FHOD3: variants seen among roughly 807,000 people sequenced by gnomAD.
The protein encoded by FHOD3 is formin homology 2 domain containing 3.
A neutral mutation model predicts 173.0 loss-of-function variants in FHOD3; 90 were observed. The observed-to-expected ratio is 0.52, with a 90% CI of 0.44 to 0.62. The LOEUF (loss-of-function observed/expected upper bound fraction) is 0.62, where lower values mean the gene tolerates loss of function less well. FHOD3 is among the 20% of genes least tolerant of loss of function. The pLI, the probability that FHOD3 is intolerant of heterozygous loss-of-function variation, is 0.00. For synonymous variants in FHOD3, 828 were observed against 823.0 expected (o/e 1.01, Z -0.10); for missense variants, 1,945 against 2,034.7 (o/e 0.96, Z 0.85).
At chr18:36,458,401 T>G (rs2052348449) in intron 3 of FHOD3, among the ~76,000 whole-genome samples, 1 of 152,124 alleles carries the variant, frequency 6.6e-6, no homozygotes, top group African/African-American at 2.4e-5. Context: ...TTAAAAAACT[T>G]TTTTGGCAGC....
intron 10 of FHOD3, among the ~76,000 whole-genome samples, chr18:36,631,448 T>C (rs1381433345): frequency 6.6e-6 from 1 of 152,208 alleles, no homozygotes; most frequent in African/African-American, 2.4e-5. Context: ...AAAGATGTGG[T>C]GCCAACTGTG....
intron 1 of FHOD3, among the ~76,000 whole-genome samples, chr18:36,324,172 A>G (rs1787274564): frequency 6.6e-6 from 1 of 152,238 alleles, no homozygotes; most frequent in Non-Finnish European, 1.5e-5. Flanking sequence ...TCAGTTGGAT[A>G]TCCACATGGA....
chr18:36,570,837 T>C (rs1279171848), intron 5 of FHOD3, among the ~76,000 whole-genome samples: 1 of 152,152 alleles, frequency 6.6e-6, no homozygotes, highest in African/African-American at 2.4e-5. Flanking sequence ...CAAAAAGCTC[T>C]TAGCAGACTA....
intron 3 of FHOD3, among the ~76,000 whole-genome samples, chr18:36,425,244 T>C (rs796637404): frequency 1.3e-5 from 2 of 152,332 alleles, no homozygotes; most frequent in African/African-American, 4.8e-5. Context: ...TAAATTAAAC[T>C]TTATCATAAG....
At chr18:36,426,195 C>T (rs1244579856) in intron 3 of FHOD3, among the ~76,000 whole-genome samples, 5 of 152,116 alleles carry the variant, frequency 3.3e-5, no homozygotes, top group African/African-American at 9.7e-5. Flanking sequence ...TGAGCCACCG[C>T]GCCCGGCCTT....
At chr18:36,634,561 A>G (rs973218320) in intron 10 of FHOD3, among the ~76,000 whole-genome samples, 2 of 152,078 alleles carry the variant, frequency 1.3e-5, no homozygotes, top group African/African-American at 4.8e-5. Flanking sequence ...ATACTGTGAG[A>G]TGGGGTGTTA....
chr18:36,432,378 G>A (rs2050596780), intron 3 of FHOD3, among the ~76,000 whole-genome samples: 1 of 152,158 alleles, frequency 6.6e-6, no homozygotes, highest in African/African-American at 2.4e-5. Context: ...GCAGCTTTCT[G>A]TTTCCTTAAT....
At chr18:36,610,349 G>T (rs568761907) in intron 8 of FHOD3, among the ~76,000 whole-genome samples, 2 of 152,312 alleles carry the variant, frequency 1.3e-5, no homozygotes, top group South Asian at 4.1e-4. Flanking sequence ...TTCTTTGAAT[G>T]ATGTGCAATT....
intron 7 of FHOD3, 90 bp from the exon 8 acceptor site, chr18:36,602,584 G>A: frequency 1.0e-6 from 1 of 973,574 alleles, no homozygotes; most frequent in Non-Finnish European, 1.7e-6. Flanking sequence ...TGCCATCACT[G>A]GATACGTCCT....
chr18:36,449,605 C>CT (rs1182992243), intron 3 of FHOD3, among the ~76,000 whole-genome samples: 1 of 152,172 alleles, frequency 6.6e-6, no homozygotes, highest in Non-Finnish European at 1.5e-5. Flanking sequence ...TAGGAGATAA[C>CT]TAAATGCCTT....
intron 7 of FHOD3, among the ~76,000 whole-genome samples, chr18:36,600,531 A>T (rs963507924): frequency 2.0e-5 from 3 of 152,248 alleles, no homozygotes; most frequent in Non-Finnish European, 4.4e-5. Context: ...ATCCATCCTA[A>T]GAGTGTACAA....
intron 3 of FHOD3, among the ~76,000 whole-genome samples, chr18:36,430,948 G>C (rs2050512745): frequency 6.6e-6 from 1 of 152,086 alleles, no homozygotes; most frequent in Non-Finnish European, 1.5e-5. Flanking sequence ...AGTGTCCTCT[G>C]TCTAGAGGGC....
intron 19 of FHOD3, among the ~76,000 whole-genome samples, chr18:36,727,031 G>A (rs2041112661): frequency 1.3e-5 from 2 of 152,076 alleles, no homozygotes; most frequent in South Asian, 4.1e-4. Context: ...GGAGAGAAGA[G>A]ATCAGAAGCA....
At chr18:36,321,076 A>ATT (rs5824009) in intron 1 of FHOD3, among the ~76,000 whole-genome samples, 78,934 of 147,982 alleles carry the variant, frequency 0.53, 21,912 homozygotes, top group Non-Finnish European at 0.62. Context: ...ATTTCCTGTG[A>ATT]TTTTTTTTTT....
chr18:36,742,718 A>T lies in FHOD3; in HGVS notation c.3760-19A>T, dbSNP rs747437262. 3.8e-6 allele frequency: 6 copies of T among 1,558,448 alleles called. No individual in the cohort carries two copies. The highest frequency in any genetic ancestry group is 2.3e-5 in the East Asian group (1 of 43,198). On this transcript the variant is annotated intron_variant, in intron 21 of 28. Coordinates refer to ENST00000590592, the MANE Select transcript of FHOD3 (RefSeq NM_001281740.3). ...CAAATTGTACACTCTTTATTGTCTAATTTTTTTTTAACTGAAAGGAAGTAG... is the reference window on the plus strand; with the variant it reads ...CAAATTGTACACTCTTTATTGTCTATTTTTTTTTTAACTGAAAGGAAGTAG...
At chr18:36,575,298 C>T (rs1344726536) in intron 5 of FHOD3, among the ~76,000 whole-genome samples, 1 of 152,120 alleles carries the variant, frequency 6.6e-6, no homozygotes, top group African/African-American at 2.4e-5. Context: ...ATTTGATCTT[C>T]TGTTGGATAG....
At chr18:36,612,939 A>G (rs2032838828) in intron 9 of FHOD3, among the ~76,000 whole-genome samples, 1 of 152,214 alleles carries the variant, frequency 6.6e-6, no homozygotes, top group African/African-American at 2.4e-5. Flanking sequence ...GGGCTGAAAG[A>G]AAAAGGATCT....
chr18:36,564,752 A>C (rs147699255), intron 5 of FHOD3, among the ~76,000 whole-genome samples: 2 of 152,166 alleles, frequency 1.3e-5, no homozygotes, highest in African/African-American at 4.8e-5. Context: ...CCCTCCTTTG[A>C]GAGTTACTAA....
intron 15 of FHOD3, among the ~76,000 whole-genome samples, chr18:36,685,859 A>G (rs1271659086): frequency 6.6e-6 from 1 of 152,250 alleles, no homozygotes; most frequent in Non-Finnish European, 1.5e-5. Context: ...CAGGAACAGA[A>G]AAACAAAACA....
Sources: gnomAD v4.1 joint callset for allele counts (sites outside exome capture counted in the v4.1 genomes callset) on GRCh38, gnomAD v4.1.1 for gene constraint, MANE v1.5 for transcripts, NCBI Gene and HGNC (gene_info 2026-07-23, HGNC 2026-07-21) for gene names.